OTOP3: variants seen among roughly 807,000 people sequenced by gnomAD.
OTOP3 encodes the protein otopetrin 3.
In OTOP3, 41 loss-of-function variants were observed where a neutral mutation model predicts 50.8. That is an observed-to-expected ratio of 0.81 (90% CI 0.63 to 1.05). OTOP3 has a LOEUF of 1.05. Ranked by LOEUF, OTOP3 falls within the 50% of genes least tolerant of loss-of-function variation. The pLI, the probability that OTOP3 is intolerant of heterozygous loss-of-function variation, is 0.00. For synonymous variants in OTOP3, 320 were observed against 324.4 expected, an observed-to-expected ratio of 0.99 and a Z score of 0.14; for missense variants, 788 against 760.8, an observed-to-expected ratio of 1.04 and a Z score of -0.42.
chr17:74,948,603 T>C (rs2039251310), intron 6 of OTOP3, among the ~76,000 whole-genome samples: 1 of 152,178 alleles, frequency 6.6e-6, no homozygotes, highest in Admixed American at 6.5e-5. Context: ...GAGGTTTCAG[T>C]GAGCTGAGAT....
chr17:74,944,850 A>G (rs1032159470), intron 5 of OTOP3, among the ~76,000 whole-genome samples: 1 of 152,168 alleles, frequency 6.6e-6, no homozygotes, highest in African/African-American at 2.4e-5. Context: ...ATTTGGCCAT[A>G]TTTATTTATT....
Position 74,947,089 on chromosome 17 carries a change from C to G in OTOP3, c.1180C>G (p.Arg394Gly), listed in dbSNP as rs142183564. ...RELDTVKNPT[R>G]SLDVVLLMGA... ...GCTGGACACGGTCAAGAACCCTACC[C>G]GCAGCCTGGATGTGGTGCTGCTAAT... The change falls in exon 6 of 7, where the codon CGC becomes GGC. Residue 394 changes from arginine (R) to glycine (G), a missense_variant. By Grantham distance (125) the Arg-to-Gly change is moderately radical (BLOSUM62 -2). Transcript: ENST00000328801. 6.2e-7 allele frequency: 1 copy of G among 1,614,040 alleles called. No homozygotes were observed. Among genetic ancestry groups the G allele is most frequent in the Non-Finnish European group, 8.5e-7 (1 of 1,180,058 alleles).
Position 74,941,071 on chromosome 17 carries a change from C to G in OTOP3, c.20-322C>G, listed in dbSNP as rs114820230. Among the ~76,000 whole-genome samples, 455 of 152,288 alleles carry G rather than the reference C, an allele frequency of 3.0e-3. 4 individuals carry two copies. Among genetic ancestry groups the G allele is most frequent in the African/African-American group, 0.011 (443 of 41,526 alleles). On this transcript the variant is annotated intron_variant, in intron 1 of 6. Coordinates refer to ENST00000328801, the MANE Select transcript of OTOP3 (RefSeq NM_001272005.2). ...AAAAGTCACAGCCCTAGAAACTGAC[C>G]AGGCACTAGGCAGACGCTGACTTTA...
Position 74,943,628 on chromosome 17 carries a change from G to T in OTOP3, c.655G>T (p.Ala219Ser). The T allele has an allele frequency of 1.2e-6, 2 of 1,613,692 alleles. No homozygotes were observed. The highest frequency in any genetic ancestry group is 8.5e-7 in the Non-Finnish European group (1 of 1,179,962). ...CAGGTGTGGCCTGATGCTGACCCTGGCCACAAACCTGCTGCTGTGGGTTCT... is the reference window on the plus strand; with the variant it reads ...CAGGTGTGGCCTGATGCTGACCCTGTCCACAAACCTGCTGCTGTGGGTTCT... ...FTRCGLMLTL[A>S]TNLLLWVLAV... The change falls in exon 5 of 7, where the codon GCC (alanine) becomes TCC (serine). Residue 219 changes from alanine (A) to serine (S), a missense_variant. By Grantham distance (99) the Ala-to-Ser change is moderately conservative (BLOSUM62 1). Transcript: ENST00000328801.
intron 6 of OTOP3, 129 bp downstream of exon 6, chr17:74,947,604 C>A: frequency 2.1e-6 from 2 of 949,174 alleles, no homozygotes; most frequent in Non-Finnish European, 3.0e-6. Flanking sequence ...AGAGTGTCCC[C>A]CCAGTTCCCT....
chr17:74,947,271 G>A lies in OTOP3; in HGVS notation c.1362G>A (p.Leu454=), dbSNP rs1489312529. The change falls in exon 6 of 7, where the codon CTG becomes CTA. Residue 454 remains leucine, a synonymous_variant. Transcript: ENST00000328801. ...AGAACCTCTTCATCATCGAGGGCCT[G>A]CACCGGCGCCCACTCTGGGAGACAG... is the stretch of plus-strand genomic sequence containing the variant. The part of the protein sequence containing the change: ...IAQNLFIIEG[L]HRRPLWETVP... 1 of 1,613,468 alleles carries A rather than the reference G, an allele frequency of 6.2e-7. No individual in the cohort carries two copies. The highest frequency in any genetic ancestry group is 1.3e-5 in the African/African-American group (1 of 74,936).
chr17:74,937,444 TA>T (rs1485069933), intron 1 of OTOP3, among the ~76,000 whole-genome samples: 1 of 152,196 alleles, frequency 6.6e-6, no homozygotes, highest in African/African-American at 2.4e-5. Context: ...ATCATTAATC[TA>T]CCCTGCTTGG....
At chr17:74,943,928 G>A (rs543163151) in intron 5 of OTOP3, among the ~76,000 whole-genome samples, 2 of 152,250 alleles carry the variant, frequency 1.3e-5, no homozygotes, top group East Asian at 3.9e-4. Context: ...ATCAGGTGCT[G>A]ACGCCCTGCA....
rs559705536 is a variant in OTOP3, at chr17:74,940,946, A to G, written c.20-447A>G. On this transcript the variant is annotated intron_variant, in intron 1 of 6. Coordinates refer to ENST00000328801, the MANE Select transcript of OTOP3 (RefSeq NM_001272005.2). ...ATTTTAGGCAATCATTTCCCAACCA[A>G]TCAGGGTCAGAATAAGAAAGGCCAC... Among the ~76,000 whole-genome samples the G allele has an allele frequency of 2.6e-5, 4 of 152,262 alleles. No individual in the cohort carries two copies. In the East Asian group the frequency reaches 7.7e-4, roughly 29 times the overall value.
chr17:74,948,645 G>T (rs2039251696), intron 6 of OTOP3, among the ~76,000 whole-genome samples: 1 of 152,144 alleles, frequency 6.6e-6, no homozygotes, highest in Admixed American at 6.5e-5. Context: ...GGGTGACAGA[G>T]TGAGACTCTG....
chr17:74,945,957 G>T (rs1567951865), intron 5 of OTOP3, among the ~76,000 whole-genome samples: 1 of 146,628 alleles, frequency 6.8e-6, no homozygotes, highest in African/African-American at 2.5e-5. Flanking sequence ...AATGTTTTTT[G>T]TTAGTTTTTG....
chr17:74,947,272 C>A lies in OTOP3; in HGVS notation c.1363C>A (p.His455Asn), dbSNP rs1287421321. ...AQNLFIIEGL[H>N]RRPLWETVPE... ...GAACCTCTTCATCATCGAGGGCCTGCACCGGCGCCCACTCTGGGAGACAGT... is the reference window on the plus strand; with the variant it reads ...GAACCTCTTCATCATCGAGGGCCTGAACCGGCGCCCACTCTGGGAGACAGT... The change falls in exon 6 of 7, where the codon CAC (histidine) becomes AAC (asparagine). Residue 455 changes from histidine to asparagine, a missense_variant. His to Asn is a moderately conservative substitution (Grantham distance 68). Coordinates refer to ENST00000328801, the MANE Select transcript of OTOP3 (RefSeq NM_001272005.2). The A allele has an allele frequency of 6.2e-7, 1 of 1,613,470 alleles. No homozygotes were observed. The highest frequency in any genetic ancestry group is 1.3e-5 in the African/African-American group (1 of 74,944).
rs771766837 is a variant in OTOP3 at position 74,941,663 on chromosome 17, C to A, written c.290C>A (p.Ala97Asp). 9 of 1,614,040 alleles carry A rather than the reference C, an allele frequency of 5.6e-6. No homozygotes were observed. The highest frequency in any genetic ancestry group is 1.3e-5 in the African/African-American group (1 of 74,930). ...FICSMIFNKV[A>D]VTLGDVWILL... is the part of the protein sequence containing the mutation. ...TGCAGCATGATCTTCAACAAGGTGG[C>A]CGTCACTCTGGGTGACGTGTGGATC... The change falls in exon 2 of 7, where the codon GCC (alanine) becomes GAC (aspartate). Residue 97 changes from alanine (A) to aspartate (D), a missense_variant. By Grantham distance (126) the Ala-to-Asp change is moderately radical. Coordinates refer to ENST00000328801, the MANE Select transcript of OTOP3 (RefSeq NM_001272005.2).
At chr17:74,942,833 T>C (rs904113578) in intron 3 of OTOP3, among the ~76,000 whole-genome samples, 4 of 151,782 alleles carry the variant, frequency 2.6e-5, no homozygotes. Context: ...TAGTCCCAGC[T>C]ACTCAGGAGG....
intron 1 of OTOP3, among the ~76,000 whole-genome samples, chr17:74,940,497 G>A (rs933948417): frequency 6.6e-6 from 1 of 152,122 alleles, no homozygotes; most frequent in Non-Finnish European, 1.5e-5. Context: ...CCAGTCCATG[G>A]CCTGTTAGGA....
intron 1 of OTOP3, among the ~76,000 whole-genome samples, chr17:74,938,532 G>T (rs2039140866): frequency 6.6e-6 from 1 of 152,094 alleles, no homozygotes. Flanking sequence ...AATAGGGTGT[G>T]GGCAAAGACT....
intron 6 of OTOP3, among the ~76,000 whole-genome samples, chr17:74,947,980 A>C (rs1365836803): frequency 6.6e-6 from 1 of 152,220 alleles, no homozygotes; most frequent in Admixed American, 6.5e-5. Flanking sequence ...AAGTACCCAC[A>C]GCCTGTAAGT....
chr17:74,940,527 G>A (rs775938492), intron 1 of OTOP3, among the ~76,000 whole-genome samples: 4 of 152,130 alleles, frequency 2.6e-5, no homozygotes, highest in Non-Finnish European at 4.4e-5. Flanking sequence ...CATAGCAGGA[G>A]GTAAGTGATG....
upstream of OTOP3, chr17:74,935,861 A>G: frequency 2.0e-6 from 3 of 1,535,002 alleles, no homozygotes; most frequent in Non-Finnish European, 2.6e-6. Flanking sequence ...CGTCGCGGGC[A>G]TCGGTCTCAC....
Sources: allele counts gnomAD v4.1 joint callset (sites outside exome capture counted in the v4.1 genomes callset), GRCh38; gene constraint gnomAD v4.1.1; transcripts MANE v1.5; gene names NCBI Gene and HGNC (gene_info 2026-07-23, HGNC 2026-07-21).